PSMA3: variants seen among roughly 807,000 people sequenced by gnomAD.
PSMA3 encodes proteasome 20S subunit alpha 3.
Under a neutral mutation model 40.0 loss-of-function variants are expected in PSMA3, and 8 were observed. That is an observed-to-expected ratio of 0.20 (90% CI 0.12 to 0.36). The LOEUF (loss-of-function observed/expected upper bound fraction) is 0.36. PSMA3 is among the 10% of genes least tolerant of loss of function. The pLI, the probability that PSMA3 is intolerant of heterozygous loss-of-function variation, is 1.00. For missense variants in PSMA3, 219 were observed against 310.6 expected (o/e 0.70, Z 2.22); for synonymous variants, 110 against 100.0 (o/e 1.10, Z -0.59).
chr14:58,261,865 C>T (rs1403510233), intron 6 of PSMA3, among the ~76,000 whole-genome samples: 1 of 152,142 alleles, frequency 6.6e-6, no homozygotes. Context: ...GTCCTCCTGC[C>T]TTGGACTCCC....
At chr14:58,259,511 C>T (rs1566641316) in intron 5 of PSMA3, among the ~76,000 whole-genome samples, 1 of 152,030 alleles carries the variant, frequency 6.6e-6, no homozygotes, top group Non-Finnish European at 1.5e-5. Context: ...GTCAGGGTTT[C>T]GCCATGTTGG....
chr14:58,250,434 T>C (rs544154400), intron 2 of PSMA3, among the ~76,000 whole-genome samples: 2 of 152,270 alleles, frequency 1.3e-5, no homozygotes, highest in East Asian at 3.9e-4. Flanking sequence ...GCATCCAGGA[T>C]AACCTCAAAG....
At chr14:58,251,033 A>T (rs916287629) in intron 2 of PSMA3, among the ~76,000 whole-genome samples, 1 of 152,114 alleles carries the variant, frequency 6.6e-6, no homozygotes, top group African/African-American at 2.4e-5. Context: ...CTGAGGTGAG[A>T]GGATTACTTG....
intron 1 of PSMA3, chr14:58,245,583 AC>A (rs1889862976): frequency 1.3e-5 from 2 of 152,448 alleles, no homozygotes; most frequent in African/African-American, 4.8e-5. Flanking sequence ...TTACTTAGGA[AC>A]TTAACAGCTT....
At chr14:58,271,664 T>G (rs966627432) in intron 10 of PSMA3, among the ~76,000 whole-genome samples, 187 bp from the exon 11 acceptor site, 2 of 152,180 alleles carry the variant, frequency 1.3e-5, no homozygotes, top group African/African-American at 4.8e-5. Flanking sequence ...AAAGATACAG[T>G]CATTGCATGT....
intron 6 of PSMA3, among the ~76,000 whole-genome samples, chr14:58,261,449 T>C (rs1890278435): frequency 6.6e-6 from 1 of 152,038 alleles, no homozygotes; most frequent in East Asian, 1.9e-4. Flanking sequence ...AAAGTGCGAG[T>C]ATTACAGGTG....
intron 7 of PSMA3, chr14:58,264,686 C>T (rs1355561745): frequency 6.6e-6 from 1 of 152,186 alleles, no homozygotes; most frequent in Non-Finnish European, 1.5e-5. Flanking sequence ...GGCATTTATA[C>T]AATGCTAAGT....
In PSMA3 at chr14:58,261,380, T is replaced by C. The variant is rs536931973; in HGVS notation, c.477+360T>C. On this transcript the variant is annotated intron_variant, in intron 6 of 10. Coordinates refer to ENST00000216455, the MANE Select transcript of PSMA3 (RefSeq NM_002788.4). ...TTTTAGTAGAAACAGGCCTTTGCCA[T>C]GTTGGCCAGACTGGTCTTGAATTCC... 2.1e-4 allele frequency among the ~76,000 whole-genome samples: 32 copies of C among 152,192 alleles called. No individual in the cohort carries two copies. The South Asian group carries it at 4.3e-3, about 21-fold the overall frequency.
intron 2 of PSMA3, among the ~76,000 whole-genome samples, chr14:58,249,261 A>T (rs994993265): frequency 6.6e-5 from 10 of 151,772 alleles, no homozygotes; most frequent in African/African-American, 2.4e-4. Flanking sequence ...CGCCCGGCCT[A>T]AAAGTTCTTC....
intron 9 of PSMA3, among the ~76,000 whole-genome samples, 174 bp from the exon 10 acceptor site, chr14:58,270,760 C>T (rs980450054): frequency 2.0e-5 from 3 of 152,052 alleles, no homozygotes; most frequent in Non-Finnish European, 4.4e-5. Flanking sequence ...AATATGTAGG[C>T]ACATATAATC....
rs1449083501 is a variant in PSMA3, at chr14:58,252,160, G to T, written c.146G>T (p.Gly49Val). ...AGATGCAAAGATGGTGTTGTCTTTG[G>T]GGTAGAAAAATTAGTCCTTTCTAAA... ...GIRCKDGVVF[G>V]VEKLVLSKLY... Residue 49 changes from glycine to valine, a missense_variant, in exon 3 of 11, where the codon GGG becomes GTG. Physicochemically the swap from Gly to Val is moderately radical, Grantham distance 109. Coordinates refer to ENST00000216455, the MANE Select transcript of PSMA3 (RefSeq NM_002788.4). 6.2e-7 allele frequency: 1 copy of T among 1,613,000 alleles called. No homozygotes were observed. The highest frequency in any genetic ancestry group is 1.1e-5 in the South Asian group (1 of 90,910).
chr14:58,268,541 T>A (rs879403633), intron 8 of PSMA3, among the ~76,000 whole-genome samples: 11 of 152,138 alleles, frequency 7.2e-5, no homozygotes, highest in Non-Finnish European at 1.3e-4. Flanking sequence ...GAAGCCATTC[T>A]ATGATTGTCA....
In PSMA3 at chr14:58,272,004, A is replaced by G. The variant is rs1890641345; in HGVS notation, c.*109A>G. The G allele has an allele frequency of 1.2e-6, 1 of 807,298 alleles. No individual in the cohort carries two copies. The highest frequency in any genetic ancestry group is 2.0e-6 in the Non-Finnish European group (1 of 503,384). 50.0% of individuals were successfully genotyped at this position (807,298 alleles called of 1,614,324 possible). A position where few individuals can be genotyped will look rare whatever the true frequency, so the allele number is the denominator to read the frequency against. ...ATTTTCATTAAATTTTTGTCTTATA[A>G]CTATTGAAGTTTGGTTAATATCTGC... is the stretch of plus-strand genomic sequence containing the variant. On this transcript the variant is annotated 3_prime_UTR_variant, in exon 11 of 11. Coordinates refer to ENST00000216455, the MANE Select transcript of PSMA3 (RefSeq NM_002788.4).
chr14:58,252,737 C>A (rs1402881586), intron 3 of PSMA3, among the ~76,000 whole-genome samples: 1 of 151,226 alleles, frequency 6.6e-6, no homozygotes, highest in Admixed American at 6.6e-5. Flanking sequence ...AAATTGCAAG[C>A]CAAGCCATAG....
intron 6 of PSMA3, among the ~76,000 whole-genome samples, chr14:58,262,753 G>A (rs1442488764): frequency 1.3e-5 from 2 of 150,898 alleles, no homozygotes; most frequent in Non-Finnish European, 3.0e-5. Context: ...AGTAGAGACA[G>A]ACTTTCACCA....
intron 10 of PSMA3, among the ~76,000 whole-genome samples, chr14:58,271,391 A>G (rs779600415): frequency 1.5e-5 from 2 of 135,300 alleles, no homozygotes; most frequent in Admixed American, 8.5e-5. Context: ...GGGCAGTGGC[A>G]CCATCTCTGC....
intron 2 of PSMA3, among the ~76,000 whole-genome samples, chr14:58,249,515 C>A (rs1889955259): frequency 6.6e-6 from 1 of 151,532 alleles, no homozygotes; most frequent in African/African-American, 2.4e-5. Context: ...TTAAAAAAAA[C>A]TTTTTTTGGG....
chr14:58,269,153 T>TG (rs2140097861), intron 8 of PSMA3, among the ~76,000 whole-genome samples: 1 of 152,160 alleles, frequency 6.6e-6, no homozygotes, highest in Non-Finnish European at 1.5e-5. Flanking sequence ...AGGCTGGTCT[T>TG]GAACTCCTGA....
intron 3 of PSMA3, among the ~76,000 whole-genome samples, chr14:58,257,192 A>C (rs972356105): frequency 7.9e-5 from 12 of 151,386 alleles, no homozygotes; most frequent in African/African-American, 2.9e-4. Flanking sequence ...AAGAGGATTT[A>C]TGATAGAAGT....
Sources: allele counts gnomAD v4.1 joint callset (sites outside exome capture counted in the v4.1 genomes callset), GRCh38; gene constraint gnomAD v4.1.1; transcripts MANE v1.5; gene names NCBI Gene and HGNC (gene_info 2026-07-23, HGNC 2026-07-21).